CCSER1: variants seen among roughly 807,000 people sequenced by gnomAD.
CCSER1 encodes coiled-coil serine rich protein 1.
A neutral mutation model predicts 82.0 loss-of-function variants in CCSER1; 41 were observed. That is an observed-to-expected ratio of 0.50 (90% CI 0.39 to 0.65). The LOEUF (loss-of-function observed/expected upper bound fraction) is 0.65, where lower values mean the gene tolerates loss of function less well. CCSER1 is among the 30% of genes least tolerant of loss of function. The probability of loss-of-function intolerance (pLI) is 0.00; values close to 1 mark genes in which losing one functional copy is unlikely to be tolerated. For missense variants in CCSER1, 1,119 were observed against 1,064.2 expected (o/e 1.05, Z -0.72); for synonymous variants, 414 against 383.9 (o/e 1.08, Z -0.92).
chr4:91,559,190 T>G (rs952596592), intron 10 of CCSER1, among the ~76,000 whole-genome samples: 3 of 151,638 alleles, frequency 2.0e-5, no homozygotes, highest in African/African-American at 7.2e-5. Context: ...TAGAGCATAC[T>G]ACATAGAGTT....
intron 10 of CCSER1, among the ~76,000 whole-genome samples, chr4:91,377,099 A>G (rs1466692585): frequency 2.0e-5 from 3 of 152,142 alleles, no homozygotes; most frequent in Non-Finnish European, 2.9e-5. Flanking sequence ...TTATGGCTGC[A>G]TAGTATTCCA....
intron 10 of CCSER1, among the ~76,000 whole-genome samples, chr4:91,307,022 C>T (rs1001124767): frequency 7.2e-5 from 11 of 151,756 alleles, no homozygotes; most frequent in African/African-American, 2.4e-4. Flanking sequence ...TACTTTAGGG[C>T]TAAAGATTTT....
intron 6 of CCSER1, among the ~76,000 whole-genome samples, chr4:90,667,585 A>G (rs564333731): frequency 1.3e-5 from 2 of 152,194 alleles, no homozygotes; most frequent in South Asian, 4.2e-4. Flanking sequence ...GAGTGAGAGC[A>G]TGAAGTGTTT....
intron 1 of CCSER1, among the ~76,000 whole-genome samples, chr4:90,151,381 A>C (rs1311937251): frequency 1.3e-5 from 2 of 152,064 alleles, no homozygotes; most frequent in African/African-American, 4.8e-5. Context: ...TATTAGGCTT[A>C]ATATTCAATT....
At chr4:90,403,021 G>GTGACTT (rs1369213811) in intron 4 of CCSER1, among the ~76,000 whole-genome samples, 1 of 152,170 alleles carries the variant, frequency 6.6e-6, no homozygotes, top group Non-Finnish European at 1.5e-5. Flanking sequence ...ATTACTTAGA[G>GTGACTT]TGACTTTGGA....
chr4:90,364,942 A>C (rs1341412591), intron 3 of CCSER1, among the ~76,000 whole-genome samples: 2 of 151,854 alleles, frequency 1.3e-5, no homozygotes, highest in African/African-American at 4.8e-5. Flanking sequence ...GCAGTATTTC[A>C]TGGTGTGATA....
chr4:90,948,535 T>G (rs1226338827), intron 9 of CCSER1, among the ~76,000 whole-genome samples: 1 of 151,944 alleles, frequency 6.6e-6, no homozygotes, highest in Non-Finnish European at 1.5e-5. Context: ...CCATGTTTTA[T>G]TGTCACAATT....
chr4:90,445,042 A>G (rs1305933216), intron 4 of CCSER1, among the ~76,000 whole-genome samples: 5 of 152,046 alleles, frequency 3.3e-5, no homozygotes, highest in Non-Finnish European at 5.9e-5. Flanking sequence ...TCAATTAAAA[A>G]AAAACAGTTA....
intron 5 of CCSER1, among the ~76,000 whole-genome samples, chr4:90,608,845 A>G (rs1261088301): frequency 1.3e-5 from 2 of 151,978 alleles, no homozygotes; most frequent in Non-Finnish European, 2.9e-5. Context: ...TGGCCATTCT[A>G]TGTAGTCTAT....
At chr4:91,314,255 G>A (rs919730104) in intron 10 of CCSER1, among the ~76,000 whole-genome samples, 13 of 151,884 alleles carry the variant, frequency 8.6e-5, no homozygotes, top group Non-Finnish European at 1.6e-4. Flanking sequence ...CCATACCTCA[G>A]TAACATATTT....
intron 10 of CCSER1, among the ~76,000 whole-genome samples, chr4:91,539,086 T>C (rs2110190462): frequency 6.6e-6 from 1 of 152,080 alleles, no homozygotes; most frequent in East Asian, 1.9e-4. Flanking sequence ...CTAGATTGAA[T>C]CATCCAATTG....
intron 3 of CCSER1, among the ~76,000 whole-genome samples, chr4:90,398,340 A>G (rs368803562): frequency 6.6e-6 from 1 of 152,198 alleles, no homozygotes; most frequent in African/African-American, 2.4e-5. Flanking sequence ...GAAGGATACA[A>G]TTAAATCCCA....
At chr4:90,703,827 T>C (rs1471525679) in intron 6 of CCSER1, among the ~76,000 whole-genome samples, 1 of 152,158 alleles carries the variant, frequency 6.6e-6, no homozygotes, top group African/African-American at 2.4e-5. Flanking sequence ...ATTTGCTTGG[T>C]AGATATTCCT....
intron 1 of CCSER1, among the ~76,000 whole-genome samples, chr4:90,135,693 G>C (rs1723562845): frequency 6.6e-6 from 1 of 152,178 alleles, no homozygotes; most frequent in Admixed American, 6.5e-5. Flanking sequence ...TCGCCAGACT[G>C]CCTCATTTTG....
chr4:90,772,978 T>C (rs1290157873), intron 7 of CCSER1, among the ~76,000 whole-genome samples: 1 of 152,142 alleles, frequency 6.6e-6, no homozygotes, highest in African/African-American at 2.4e-5. Context: ...TGTTGGCTTA[T>C]GCCTGTAATC....
At chr4:90,810,965 T>A (rs1281078465) in intron 7 of CCSER1, among the ~76,000 whole-genome samples, 1 of 151,216 alleles carries the variant, frequency 6.6e-6, no homozygotes, top group Non-Finnish European at 1.5e-5. Flanking sequence ...CCTGAGTAGC[T>A]GGGACTACAG....
chr4:90,845,588 A>C (rs1427795348), intron 8 of CCSER1, among the ~76,000 whole-genome samples: 1 of 152,138 alleles, frequency 6.6e-6, no homozygotes, highest in Non-Finnish European at 1.5e-5. Flanking sequence ...TGCATATGAC[A>C]GAGGAACTGT....
rs114613772 is a variant in CCSER1, at chr4:91,263,131, A to T, written c.2217+177137A>T. 4.8e-3 allele frequency among the ~76,000 whole-genome samples: 725 copies of T among 152,204 alleles called. 5 individuals are homozygous for T. Among genetic ancestry groups the T allele is most frequent in the African/African-American group, 0.017 (700 of 41,558 alleles). On this transcript the variant is annotated intron_variant, in intron 10 of 10. Coordinates refer to ENST00000509176, the MANE Select transcript of CCSER1 (RefSeq NM_001145065.2). ...ACAACTGTTTATGTGTGTATAGTTA[A>T]ATTTGCTGCTTGCTCAAGCATATCC...
At chr4:90,972,677 A>G (rs58421448) in intron 9 of CCSER1, among the ~76,000 whole-genome samples, 43,307 of 151,604 alleles carry the variant, frequency 0.29, 6,638 homozygotes, top group Non-Finnish European at 0.32. Flanking sequence ...TGAAATTCAT[A>G]TGGAATCATA....
Sources: gnomAD v4.1 joint callset for allele counts (sites outside exome capture counted in the v4.1 genomes callset) on GRCh38, gnomAD v4.1.1 for gene constraint, MANE v1.5 for transcripts, NCBI Gene and HGNC (gene_info 2026-07-23, HGNC 2026-07-21) for gene names.